PCGF5: variants seen among roughly 807,000 people sequenced by gnomAD.
PCGF5 encodes the protein polycomb group RING finger protein 5.
In PCGF5, 9 loss-of-function variants were observed where a neutral mutation model predicts 44.3. The observed-to-expected ratio is 0.20, with a 90% CI of 0.12 to 0.35. PCGF5 has a LOEUF of 0.35. Ranked by LOEUF, PCGF5 falls within the 10% of genes least tolerant of loss-of-function variation. The pLI is 1.00. For synonymous variants in PCGF5, 95 were observed against 102.5 expected, an observed-to-expected ratio of 0.93 and a Z score of 0.44; for missense variants, 146 against 305.3, an observed-to-expected ratio of 0.48 and a Z score of 3.89.
chr10:91,186,556 A>G (rs1398740602), intron 1 of PCGF5, among the ~76,000 whole-genome samples: 1 of 142,070 alleles, frequency 7.0e-6, no homozygotes, highest in African/African-American at 2.5e-5. Flanking sequence ...ATATATATAT[A>G]TATGTGTGTG....
chr10:91,268,529 C>G (rs1242929230), intron 8 of PCGF5, among the ~76,000 whole-genome samples: 1 of 152,108 alleles, frequency 6.6e-6, no homozygotes, highest in African/African-American at 2.4e-5. Context: ...GTCTCCTCAT[C>G]TATTCTACAC....
intron 1 of PCGF5, among the ~76,000 whole-genome samples, chr10:91,175,166 GCCATA>G (rs1274643461): frequency 1.3e-5 from 2 of 152,156 alleles, no homozygotes; most frequent in Non-Finnish European, 2.9e-5. Flanking sequence ...CTTCTTCTAT[GCCATA>G]CCACAAGATG....
At chr10:91,173,595 T>TTTTTTTTTTTTC (rs71025342) in intron 1 of PCGF5, among the ~76,000 whole-genome samples, 2 of 140,756 alleles carry the variant, frequency 1.4e-5, no homozygotes, top group Non-Finnish European at 3.1e-5. Context: ...TTTTTTTTTT[T>TTTTTTTTTTTTC]CCCACAGAAG....
At chr10:91,236,237 G>A (rs1338328551) in intron 2 of PCGF5, among the ~76,000 whole-genome samples, 1 of 152,188 alleles carries the variant, frequency 6.6e-6, no homozygotes, top group Non-Finnish European at 1.5e-5. Flanking sequence ...TTGCTGCACA[G>A]CTGTGCAGCT....
chr10:91,168,961 A>C (rs897341053), intron 1 of PCGF5, among the ~76,000 whole-genome samples: 4 of 138,842 alleles, frequency 2.9e-5, no homozygotes, highest in Non-Finnish European at 6.1e-5. Flanking sequence ...AAAAAAAAGA[A>C]GGCTTGATAA....
At position 91,178,940 on chromosome 10, in the gene PCGF5, C is replaced by G. The variant is rs190280637; in HGVS notation, c.-184+15859C>G. Among the ~76,000 whole-genome samples, 994 of 152,332 alleles carry G rather than the reference C, an allele frequency of 6.5e-3. 10 individuals carry two copies. The highest frequency in any genetic ancestry group is 0.023 in the African/African-American group (954 of 41,568). ...CAACTGATTTCAGCACTCACTCTAT[C>G]TCAACATCTTTTGGGGGAGCTTTTA... is the stretch of plus-strand genomic sequence containing the variant. On this transcript the variant is annotated intron_variant, in intron 1 of 9. Transcript: ENST00000614189.
chr10:91,263,582 A>T (rs1183801742), intron 7 of PCGF5, among the ~76,000 whole-genome samples: 4 of 152,188 alleles, frequency 2.6e-5, no homozygotes. Flanking sequence ...ATAGCTAGAG[A>T]ACTAAAATGT....
At chr10:91,234,470 T>C (rs1564643220) in intron 2 of PCGF5, among the ~76,000 whole-genome samples, 1 of 152,222 alleles carries the variant, frequency 6.6e-6, no homozygotes, top group Non-Finnish European at 1.5e-5. Context: ...AATTTCATAC[T>C]TGAGTTGCAA....
intron 6 of PCGF5, among the ~76,000 whole-genome samples, chr10:91,258,892 G>A (rs1845825940): frequency 6.6e-6 from 1 of 152,098 alleles, no homozygotes; most frequent in African/African-American, 2.4e-5. Flanking sequence ...CATTTGCTAG[G>A]AAATAAACAT....
chr10:91,261,659 G>C (rs1845913871), intron 7 of PCGF5, among the ~76,000 whole-genome samples: 1 of 152,148 alleles, frequency 6.6e-6, no homozygotes, highest in African/African-American at 2.4e-5. Flanking sequence ...TTTATAATTA[G>C]AGGAGATATT....
chr10:91,211,146 T>C (rs928578260), intron 1 of PCGF5, among the ~76,000 whole-genome samples: 1 of 152,236 alleles, frequency 6.6e-6, no homozygotes, highest in African/African-American at 2.4e-5. Flanking sequence ...AAACTTAAAT[T>C]CCTCATTAGA....
intron 1 of PCGF5, among the ~76,000 whole-genome samples, chr10:91,184,618 T>C (rs953933070): frequency 7.2e-5 from 11 of 152,254 alleles, no homozygotes; most frequent in African/African-American, 2.4e-4. Context: ...TACAGTCATT[T>C]GGAGGAAAGA....
intron 2 of PCGF5, among the ~76,000 whole-genome samples, chr10:91,236,268 C>T (rs1027302056): frequency 3.3e-5 from 5 of 152,150 alleles, no homozygotes; most frequent in African/African-American, 1.2e-4. Context: ...TAGTCAGGCT[C>T]TCCAGCACTA....
intron 1 of PCGF5, among the ~76,000 whole-genome samples, chr10:91,171,128 G>A (rs908550571): frequency 6.6e-6 from 1 of 151,358 alleles, no homozygotes; most frequent in Non-Finnish European, 1.5e-5. Flanking sequence ...TTTTAGGGCA[G>A]TGAAACTACT....
intron 6 of PCGF5, among the ~76,000 whole-genome samples, chr10:91,253,147 C>T (rs947987299): frequency 6.6e-6 from 1 of 151,874 alleles, no homozygotes; most frequent in Admixed American, 6.6e-5. Context: ...AGGAGATCTT[C>T]TCCATTTTCT....
intron 1 of PCGF5, among the ~76,000 whole-genome samples, chr10:91,170,571 C>T (rs555811651): frequency 1.3e-5 from 2 of 152,306 alleles, no homozygotes; most frequent in African/African-American, 2.4e-5. Context: ...TACCACTATA[C>T]ACAATTGAAA....
At position 91,268,807 on chromosome 10, in the gene PCGF5, C is replaced by G. The variant is rs568337451; in HGVS notation, c.664-2831C>G. On this transcript the variant is annotated intron_variant, in intron 8 of 9. Transcript: ENST00000336126. ...TTCCACTTCAGGCTAAGCCTGTTTT[C>G]TATGGTCCCTGCCCTCTCTAGACCC... is the stretch of plus-strand genomic sequence containing the variant. Among the ~76,000 whole-genome samples the G allele has an allele frequency of 3.4e-4, 52 of 152,260 alleles. No individual in the cohort carries two copies. The South Asian group carries it at 0.011, about 31-fold the overall frequency.
At chr10:91,225,182 G>T (rs974538902) in intron 2 of PCGF5, among the ~76,000 whole-genome samples, 4 of 147,696 alleles carry the variant, frequency 2.7e-5, no homozygotes, top group East Asian at 3.9e-4. Flanking sequence ...TAGCTTATAA[G>T]CAAAGGGATA....
chr10:91,250,835 T>C (rs910415450), intron 5 of PCGF5, among the ~76,000 whole-genome samples: 14 of 151,890 alleles, frequency 9.2e-5, no homozygotes, highest in African/African-American at 2.7e-4. Flanking sequence ...TTATGAATAG[T>C]AATTTGAAAT....
Sources: gnomAD v4.1 joint callset for allele counts (sites outside exome capture counted in the v4.1 genomes callset) on GRCh38, gnomAD v4.1.1 for gene constraint, MANE v1.5 for transcripts, NCBI Gene and HGNC (gene_info 2026-07-23, HGNC 2026-07-21) for gene names.